The following GPC5 variants were observed in gnomAD, a reference collection of about 807,000 sequenced individuals.
GPC5 encodes the protein glypican 5.
GPC5 carries 47 observed loss-of-function variants against 53.9 expected under a neutral mutation model. The ratio of observed to expected loss-of-function variants is 0.87; its 90% CI spans 0.69 to 1.11. The LOEUF (loss-of-function observed/expected upper bound fraction) is 1.11, where lower values mean the gene tolerates loss of function less well. Among genes scored for constraint, GPC5 ranks in the 50% most tolerant of loss-of-function variants. The pLI is 0.00. For missense variants in GPC5, 748 were observed against 713.1 expected (o/e 1.05, Z -0.56); for synonymous variants, 286 against 263.3 (o/e 1.09, Z -0.84).
intron 5 of GPC5, among the ~76,000 whole-genome samples, chr13:91,889,042 C>T (rs191122595): frequency 3.3e-5 from 5 of 152,316 alleles, no homozygotes; most frequent in Admixed American, 2.0e-4. Flanking sequence ...TCTACTGCCT[C>T]GCCTCCCAGG....
chr13:91,977,962 AGAAAG>A (rs2040321172), intron 6 of GPC5, among the ~76,000 whole-genome samples: 1 of 141,588 alleles, frequency 7.1e-6, no homozygotes, highest in African/African-American at 3.0e-5. Context: ...GAAAAAAGAA[AGAAAG>A]AAAGAAAGAA....
intron 2 of GPC5, among the ~76,000 whole-genome samples, chr13:91,687,396 G>A (rs2035646142): frequency 6.6e-6 from 1 of 151,974 alleles, no homozygotes. Context: ...TGGGCTGGAA[G>A]CAGTTAAAGT....
intron 7 of GPC5, among the ~76,000 whole-genome samples, chr13:92,592,872 G>A (rs1883757971): frequency 6.6e-6 from 1 of 151,050 alleles, no homozygotes; most frequent in Non-Finnish European, 1.5e-5. Flanking sequence ...GATGGGCGAT[G>A]TGCATGCTTC....
At chr13:92,547,879 G>T (rs1167935319) in intron 7 of GPC5, among the ~76,000 whole-genome samples, 1 of 136,946 alleles carries the variant, frequency 7.3e-6, no homozygotes, top group African/African-American at 2.8e-5. Context: ...TCCCAGGCTG[G>T]AGTGCAGTGG....
At chr13:91,919,617 C>A (rs1469307650) in intron 6 of GPC5, among the ~76,000 whole-genome samples, 1 of 152,036 alleles carries the variant, frequency 6.6e-6, no homozygotes, top group Non-Finnish European at 1.5e-5. Flanking sequence ...CATCTGGCAA[C>A]ACCTAGGATA....
chr13:92,150,810 G>A (rs990384453), intron 7 of GPC5, among the ~76,000 whole-genome samples: 34 of 151,474 alleles, frequency 2.2e-4, no homozygotes, highest in African/African-American at 6.8e-4. Context: ...TCTATCCCAC[G>A]CCAGAGAACA....
At chr13:91,766,321 A>G (rs1039071225) in intron 5 of GPC5, among the ~76,000 whole-genome samples, 4 of 152,142 alleles carry the variant, frequency 2.6e-5, no homozygotes, top group Non-Finnish European at 4.4e-5. Context: ...CTTTCAGATT[A>G]TGTTTTCTCC....
At chr13:92,613,606 T>G (rs983961827) in intron 7 of GPC5, among the ~76,000 whole-genome samples, 6 of 121,112 alleles carry the variant, frequency 5.0e-5, no homozygotes, top group African/African-American at 1.9e-4. Flanking sequence ...TTTATTATAT[T>G]TATTTTATTA....
chr13:91,979,419 A>T (rs75976423), intron 6 of GPC5, among the ~76,000 whole-genome samples: 2 of 152,212 alleles, frequency 1.3e-5, no homozygotes, highest in Non-Finnish European at 2.9e-5. Context: ...TGTCCTGCTG[A>T]TAATGTGTTA....
intron 7 of GPC5, among the ~76,000 whole-genome samples, chr13:92,385,786 T>C (rs1170982566): frequency 9.0e-6 from 1 of 111,304 alleles, no homozygotes; most frequent in African/African-American, 3.6e-5. Flanking sequence ...CATATATGTA[T>C]ATATATACAT....
At chr13:92,782,648 C>A (rs1175338328) in intron 7 of GPC5, among the ~76,000 whole-genome samples, 1 of 152,104 alleles carries the variant, frequency 6.6e-6, no homozygotes, top group African/African-American at 2.4e-5. Context: ...TTTTCTTTTA[C>A]TTTTCATGGA....
intron 7 of GPC5, among the ~76,000 whole-genome samples, chr13:92,511,090 T>C (rs1230089370): frequency 6.6e-6 from 1 of 152,238 alleles, no homozygotes; most frequent in Non-Finnish European, 1.5e-5. Flanking sequence ...TCATTTCATC[T>C]GAAAGGTTAG....
chr13:92,500,334 C>T (rs1880136007), intron 7 of GPC5, among the ~76,000 whole-genome samples: 2 of 152,144 alleles, frequency 1.3e-5, no homozygotes, highest in Non-Finnish European at 2.9e-5. Flanking sequence ...CCCTGGCCCT[C>T]CTGGCATGTA....
intron 2 of GPC5, among the ~76,000 whole-genome samples, chr13:91,450,143 C>T (rs1881083704): frequency 6.6e-6 from 1 of 151,940 alleles, no homozygotes; most frequent in Non-Finnish European, 1.5e-5. Context: ...TTGTAGAAAG[C>T]GTGAAATGTC....
intron 6 of GPC5, among the ~76,000 whole-genome samples, chr13:91,957,358 G>A (rs906116701): frequency 1.3e-5 from 2 of 152,012 alleles, no homozygotes; most frequent in Non-Finnish European, 2.9e-5. Context: ...TCACATTTTA[G>A]GTATCCCAGG....
At chr13:92,576,576 A>G (rs950289303) in intron 7 of GPC5, among the ~76,000 whole-genome samples, 1 of 152,204 alleles carries the variant, frequency 6.6e-6, no homozygotes, top group East Asian at 1.9e-4. Context: ...AAAATTAGAC[A>G]TTAAAAATGA....
chr13:92,287,600 G>C (rs1259520679), intron 7 of GPC5, among the ~76,000 whole-genome samples: 2 of 152,046 alleles, frequency 1.3e-5, no homozygotes, highest in African/African-American at 4.8e-5. Context: ...TATCATCTCA[G>C]GGTCCTACAG....
intron 2 of GPC5, among the ~76,000 whole-genome samples, chr13:91,476,751 G>T (rs1192650875): frequency 2.6e-5 from 4 of 152,138 alleles, no homozygotes; most frequent in African/African-American, 9.7e-5. Flanking sequence ...AAGGGCAAAT[G>T]GTAATTAACC....
chr13:91,856,017 A>G (rs1424844047), intron 5 of GPC5, among the ~76,000 whole-genome samples: 1 of 151,434 alleles, frequency 6.6e-6, no homozygotes, highest in Non-Finnish European at 1.5e-5. Context: ...GTCTATATCC[A>G]TGTAATAGTT....
Sources: allele counts gnomAD v4.1 joint callset (sites outside exome capture counted in the v4.1 genomes callset), GRCh38; gene constraint gnomAD v4.1.1; transcripts MANE v1.5; gene names NCBI Gene and HGNC (gene_info 2026-07-23, HGNC 2026-07-21).